Variants in MYH13 observed in about 807,000 individuals in gnomAD.
MYH13 encodes myosin-13.
MYH13 carries 177 observed loss-of-function variants against 232.1 expected under a neutral mutation model. That is an observed-to-expected ratio of 0.76 (90% CI 0.67 to 0.86). The LOEUF (loss-of-function observed/expected upper bound fraction) is 0.86, where lower values mean the gene tolerates loss of function less well. Among genes scored for constraint, MYH13 ranks in the 40% least tolerant of loss-of-function variants. The pLI, the probability that MYH13 is intolerant of heterozygous loss-of-function variation, is 0.00. For synonymous variants in MYH13, 884 were observed against 923.5 expected, an observed-to-expected ratio of 0.96 and a Z score of 0.78; for missense variants, 2,246 against 2,405.9, an observed-to-expected ratio of 0.93 and a Z score of 1.39.
intron 2 of MYH13, among the ~76,000 whole-genome samples, chr17:10,367,538 G>A (rs572899282): frequency 2.6e-5 from 4 of 151,988 alleles, no homozygotes; most frequent in Non-Finnish European, 5.9e-5. Flanking sequence ...TAGTACAGAC[G>A]GGTTTTCACC....
intron 15 of MYH13, 90 bp downstream of exon 15, chr17:10,345,112 G>A: frequency 6.2e-7 from 1 of 1,605,124 alleles, no homozygotes; most frequent in Admixed American, 1.7e-5. Flanking sequence ...GGGGGCTAGG[G>A]GCCCCAATCT....
At chr17:10,302,484 CA>C (rs1254559056) in intron 39 of MYH13, among the ~76,000 whole-genome samples, 2 of 152,200 alleles carry the variant, frequency 1.3e-5, no homozygotes, top group Admixed American at 1.3e-4. Flanking sequence ...ACAACATCTA[CA>C]AAATCTGAGA....
chr17:10,301,415 C>T (rs188043770), intron 40 of MYH13, among the ~76,000 whole-genome samples, 154 bp downstream of exon 40: 1 of 152,250 alleles, frequency 6.6e-6, no homozygotes, highest in African/African-American at 2.4e-5. Context: ...CTTCCCTGGC[C>T]CCCTACATCT....
At chr17:10,355,040 T>C in intron 9 of MYH13, 44 bp downstream of exon 9, 17 of 1,610,954 alleles carry the variant, frequency 1.1e-5, no homozygotes, top group Non-Finnish European at 1.4e-5. Context: ...AGAGATGCTT[T>C]TGTGGCCAAA....
In MYH13 at chr17:10,307,038, T is replaced by A. The variant is rs1175413675; in HGVS notation, c.5196A>T (p.Lys1732Asn). The A allele has an allele frequency of 3.1e-6, 5 of 1,613,904 alleles. No homozygotes were observed. The African/African-American group carries it at 4.0e-5, about 13-fold the overall frequency. The change falls in exon 36 of 41, where the codon AAA (lysine) becomes AAT (asparagine). Residue 1732 changes from lysine (K) to asparagine (N), a missense_variant. Lys to Asn is a moderately conservative substitution (Grantham distance 94). Coordinates refer to ENST00000252172, the MANE Select transcript of MYH13 (RefSeq NM_003802.3). ...SQNTSLINTK[K>N]KLEADIAQCQ... ...ACTGAGCTATGTCAGCCTCCAGTTT[T>A]TTCTTGGTATTTATCAGGCTTGTGT...
At chr17:10,352,277 G>C (rs2071715875) in intron 11 of MYH13, among the ~76,000 whole-genome samples, 1 of 152,096 alleles carries the variant, frequency 6.6e-6, no homozygotes, top group Non-Finnish European at 1.5e-5. Flanking sequence ...TAAAAAGGGA[G>C]ACTATACCAG....
At position 10,320,459 on chromosome 17, in the gene MYH13, G is replaced by T. The variant is rs1478875991; in HGVS notation, c.3149C>A (p.Ala1050Glu). 1 of 1,613,270 alleles carries T rather than the reference G, an allele frequency of 6.2e-7. No individual in the cohort carries two copies. The highest frequency in any genetic ancestry group is 8.5e-7 in the Non-Finnish European group (1 of 1,179,660). ...GSLEQEKKLRADLERAKRKLE... is the reference protein window; with the variant it reads ...GSLEQEKKLREDLERAKRKLE... The stretch of plus-strand genomic sequence containing the variant: ...CTTCCTCTTCGCCCTTTCCAAGTCC[G>T]CCCGCAGTTTCTTCTCCTGCTCTAA... The change falls in exon 25 of 41, where the codon GCG (alanine) becomes GAG (glutamate). Residue 1050 changes from alanine (A) to glutamate (E), a missense_variant. By Grantham distance (107) the Ala-to-Glu change is moderately radical. Coordinates refer to ENST00000252172, the MANE Select transcript of MYH13 (RefSeq NM_003802.3).
In MYH13 at chr17:10,333,019, A is replaced by G. The variant is rs1055465467; in HGVS notation, c.2174+55T>C. On this transcript the variant is annotated intron_variant, in intron 19 of 40. Coordinates refer to ENST00000252172, the MANE Select transcript of MYH13 (RefSeq NM_003802.3). ...ACCCAGGTCAAGAAATGTCTTAGGG[A>G]AATGCAAAAGGTGCCCTCGGAAGGA... is the stretch of plus-strand genomic sequence containing the variant. 45 of 1,372,092 alleles carry G rather than the reference A, an allele frequency of 3.3e-5. No homozygotes were observed. The Middle Eastern group carries it at 8.8e-4, about 27-fold the overall frequency. 85.0% of individuals were successfully genotyped at this position (1,372,092 alleles called of 1,614,324 possible). A position where few individuals can be genotyped will look rare whatever the true frequency, so the allele number is the denominator to read the frequency against.
intron 2 of MYH13, 138 bp downstream of exon 2, chr17:10,371,071 C>T (rs1386974339): frequency 6.6e-6 from 1 of 152,162 alleles, no homozygotes; most frequent in African/African-American, 2.4e-5. Context: ...TAAAATCTAC[C>T]TTTAAGAATA....
Position 10,313,232 on chromosome 17 carries a change from G to A in MYH13, c.4107C>T (p.Asn1369=), listed in dbSNP as rs61745306. 2,240 of 1,614,214 alleles carry A rather than the reference G, an allele frequency of 1.4e-3. 20 individuals carry two copies. The African/African-American group carries it at 0.02, about 14-fold the overall frequency. ...AELQRALSKA[N]SEVAQWRTKY... is the part of the protein sequence containing the mutation. ...TGGTCCTCCACTGGGCAACCTCACT[G>A]TTGGCCTTGGACAGCGCCCTCTGCA... Residue 1369 remains asparagine, a synonymous_variant, in exon 30 of 41, where the codon AAC becomes AAT. Transcript: ENST00000252172.
chr17:10,346,638 G>T, intron 13 of MYH13, 42 bp downstream of exon 13: 1 of 1,492,490 alleles, frequency 6.7e-7, no homozygotes, highest in Non-Finnish European at 9.3e-7. Flanking sequence ...GGCTCAAATA[G>T]CAAAAGATCT....
At position 10,319,074 on chromosome 17, in the gene MYH13, C is replaced by G. The variant is rs774254848; in HGVS notation, c.3454G>C (p.Glu1152Gln). 1 of 1,614,204 alleles carries G rather than the reference C, an allele frequency of 6.2e-7. No individual in the cohort carries two copies. The highest frequency in any genetic ancestry group is 1.7e-5 in the Admixed American group (1 of 60,020). ...DLARELEEISERLEEASGATS... is the reference protein window; with the variant it reads ...DLARELEEISQRLEEASGATS... ...GCCCCACTGGCTTCTTCCAGCCTCTCGCTGATCTCCTCCAGTTCCCTGGCC... is the reference window on the plus strand; with the variant it reads ...GCCCCACTGGCTTCTTCCAGCCTCTGGCTGATCTCCTCCAGTTCCCTGGCC... The change falls in exon 27 of 41, where the codon GAG becomes CAG. Residue 1152 changes from glutamate (E) to glutamine (Q), a missense_variant. Transcript: ENST00000252172.
chr17:10,324,032 G>A lies in MYH13; in HGVS notation c.2924C>T (p.Thr975Ile). ...CTTGGGTTTGCTCACCTTGTTCTCT[G>A]TGGCATGCTTCTCCTTTTCAACTTT... The part of the protein sequence containing the change: ...LTKVEKEKHA[T>I]ENKVKNLSEE... The change falls in exon 23 of 41, where the codon ACA becomes ATA. Residue 975 changes from threonine to isoleucine, a missense_variant. Transcript: ENST00000252172. 1 of 1,613,944 alleles carries A rather than the reference G, an allele frequency of 6.2e-7. No homozygotes were observed.
rs760498607 is a variant in MYH13 at position 10,312,706 on chromosome 17, C to T, written c.4233G>A (p.Ala1411=). ...LQEAEENTET[A]NSKCASLEKT... ...TCTCCAACGATGCGCACTTGGAGTT[C>T]GCCGTCTCCGTGTTCTCCTCTGCTT... The change falls in exon 31 of 41, where the codon GCG becomes GCA. Residue 1411 remains alanine, a synonymous_variant. Transcript: ENST00000252172. 1.7e-5 allele frequency: 28 copies of T among 1,613,596 alleles called. No homozygotes were observed. The highest frequency in any genetic ancestry group is 9.9e-5 in the South Asian group (9 of 90,986).
intron 18 of MYH13, among the ~76,000 whole-genome samples, chr17:10,337,442 T>A (rs12051715): frequency 1.3e-5 from 2 of 151,494 alleles, no homozygotes; most frequent in Non-Finnish European, 2.9e-5. Flanking sequence ...GCCCGTGAAG[T>A]CCTAGAGGAT....
At chr17:10,329,407 C>T (rs982206094) in intron 21 of MYH13, among the ~76,000 whole-genome samples, 1 of 152,222 alleles carries the variant, frequency 6.6e-6, no homozygotes, top group Non-Finnish European at 1.5e-5. Flanking sequence ...ACTTCAGGTC[C>T]TTGTCATCCC....
chr17:10,333,145 C>T lies in MYH13; in HGVS notation c.2103G>A (p.Gly701=). The T allele has an allele frequency of 6.4e-7, 1 of 1,551,838 alleles. No individual in the cohort carries two copies. The highest frequency in any genetic ancestry group is 8.7e-7 in the Non-Finnish European group (1 of 1,147,056). ...YLVMHQLRCN[G]VLEGIRICRK... is the part of the protein sequence containing the mutation. ...TGCAAATCCGGATGCCCTCGAGGAC[C>T]CCGTTACAGCGCAGCTGGTGCATGA... is the stretch of plus-strand genomic sequence containing the variant. The change falls in exon 19 of 41, where the codon GGG becomes GGA. Residue 701 remains glycine (G), a synonymous_variant. Transcript: ENST00000252172.
intron 12 of MYH13, among the ~76,000 whole-genome samples, chr17:10,350,168 C>G (rs1429989838): frequency 2.0e-5 from 3 of 152,084 alleles, no homozygotes; most frequent in African/African-American, 7.2e-5. Flanking sequence ...ACTTGGCTCC[C>G]ACTTTACCAA....
chr17:10,364,386 T>C lies in MYH13; in HGVS notation c.145A>G (p.Lys49Glu). The C allele has an allele frequency of 6.2e-7, 1 of 1,613,968 alleles. No individual in the cohort carries two copies. Among genetic ancestry groups the C allele is most frequent in the East Asian group, 2.2e-5 (1 of 44,890 alleles). ...FVADNKEMYV[K>E]GMIQTRENDK... ...TTTTCCCTAGTCTGGATCATGCCTTTCACATACATTTCCTTATTATCCGCT... is the reference window on the plus strand; with the variant it reads ...TTTTCCCTAGTCTGGATCATGCCTTCCACATACATTTCCTTATTATCCGCT... Residue 49 changes from lysine (K) to glutamate (E), a missense_variant, in exon 3 of 41, where the codon AAA becomes GAA. Lys to Glu is a moderately conservative substitution (Grantham distance 56, BLOSUM62 1). Transcript: ENST00000252172.
Sources: allele counts gnomAD v4.1 joint callset (sites outside exome capture counted in the v4.1 genomes callset), GRCh38; gene constraint gnomAD v4.1.1; transcripts MANE v1.5; gene names NCBI Gene and HGNC (gene_info 2026-07-23, HGNC 2026-07-21).